Variants in C10orf143 observed in about 807,000 individuals in gnomAD.
The protein encoded by C10orf143 is uncharacterized protein C10orf143.
intron 1 of C10orf143, among the ~76,000 whole-genome samples, chr10:130,102,175 T>C (rs1409558471): frequency 6.6e-6 from 1 of 152,164 alleles, no homozygotes; most frequent in Non-Finnish European, 1.5e-5. Context: ...TATTGAGCCT[T>C]CCTTTATGGC....
At chr10:130,071,782 G>A (rs757340059) in intron 3 of C10orf143, among the ~76,000 whole-genome samples, 3 of 152,046 alleles carry the variant, frequency 2.0e-5, no homozygotes, top group Non-Finnish European at 2.9e-5. Flanking sequence ...CATGCACCAT[G>A]CCTGGCTAAT....
At chr10:130,108,052 T>C (rs752863553) in intron 1 of C10orf143, 10 of 1,483,350 alleles carry the variant, frequency 6.7e-6, no homozygotes, top group South Asian at 1.1e-5. Context: ...ATGATCTTGG[T>C]AATTTAAATA....
At chr10:130,058,595 T>TTC (rs1554945703) in intron 3 of C10orf143, among the ~76,000 whole-genome samples, 7 of 151,396 alleles carry the variant, frequency 4.6e-5, no homozygotes, top group South Asian at 2.1e-4. Flanking sequence ...TTTTTTTTTT[T>TTC]CAGAAATGAT....
chr10:130,039,695 G>A (rs1860584884), intron 3 of C10orf143, among the ~76,000 whole-genome samples: 1 of 152,210 alleles, frequency 6.6e-6, no homozygotes, highest in Non-Finnish European at 1.5e-5. Context: ...CTGCAAGTCA[G>A]AAGATGCCCT....
intron 3 of C10orf143, among the ~76,000 whole-genome samples, chr10:130,049,723 CAT>C (rs1157594035): frequency 1.3e-5 from 2 of 152,230 alleles, no homozygotes; most frequent in Non-Finnish European, 2.9e-5. Flanking sequence ...TTGCAGACAA[CAT>C]GTAGAAAGAG....
intron 1 of C10orf143, among the ~76,000 whole-genome samples, chr10:130,094,354 G>C (rs1861430947): frequency 1.3e-5 from 2 of 152,104 alleles, no homozygotes; most frequent in South Asian, 4.1e-4. Flanking sequence ...GAAAAAGAGG[G>C]ACTCCTCTCT....
At position 130,068,950 on chromosome 10, in the gene C10orf143, G is replaced by A. The variant is rs558589384; in HGVS notation, c.298-4567C>T. On this transcript the variant is annotated intron_variant, in intron 3 of 3. Coordinates refer to ENST00000637128, the MANE Select transcript of C10orf143 (RefSeq NM_001355042.2). ...CACACCTCTAAGCGGGAGTCTCAGA[G>A]GAAAAGGACACAGAGAAAGGGCAGA... Among the ~76,000 whole-genome samples, 9 of 152,222 alleles carry A rather than the reference G, an allele frequency of 5.9e-5. No homozygotes were observed. The South Asian group carries it at 1.7e-3, about 28-fold the overall frequency.
At chr10:130,086,691 T>A (rs775392511) in intron 1 of C10orf143, among the ~76,000 whole-genome samples, 2 of 152,224 alleles carry the variant, frequency 1.3e-5, no homozygotes, top group Non-Finnish European at 2.9e-5. Context: ...AAGTTTCAAT[T>A]TTCCCCCATC....
chr10:130,102,971 TTGAG>T (rs1413598145), intron 1 of C10orf143, among the ~76,000 whole-genome samples: 1 of 130,198 alleles, frequency 7.7e-6, no homozygotes, highest in African/African-American at 2.8e-5. Flanking sequence ...GGACTTATAA[TTGAG>T]TCTTTTTTTT....
At chr10:130,046,917 CCT>C (rs1300430110) in intron 3 of C10orf143, among the ~76,000 whole-genome samples, 1 of 152,218 alleles carries the variant, frequency 6.6e-6, no homozygotes, top group Admixed American at 6.5e-5. Context: ...TGAGCCCACC[CCT>C]GAGGCGTGTG....
At chr10:130,075,991 G>GT (rs1003386182) in intron 3 of C10orf143, among the ~76,000 whole-genome samples, 27 of 146,678 alleles carry the variant, frequency 1.8e-4, no homozygotes, top group African/African-American at 4.7e-4. Flanking sequence ...TTGTTTGTTT[G>GT]TTTTTTTTTT....
At chr10:130,085,029 A>G (rs1299352172) in intron 1 of C10orf143, among the ~76,000 whole-genome samples, 1 of 152,252 alleles carries the variant, frequency 6.6e-6, no homozygotes, top group Non-Finnish European at 1.5e-5. Flanking sequence ...GTCTACCCAT[A>G]TCAAAAATAA....
At chr10:130,080,800 C>T (rs1012735571) in intron 1 of C10orf143, among the ~76,000 whole-genome samples, 3 of 152,150 alleles carry the variant, frequency 2.0e-5, no homozygotes, top group African/African-American at 4.8e-5. Context: ...GACTTTTTCA[C>T]TTAATGCATC....
chr10:130,047,579 C>T (rs962695771), intron 3 of C10orf143, among the ~76,000 whole-genome samples: 20 of 152,222 alleles, frequency 1.3e-4, no homozygotes, highest in African/African-American at 4.8e-4. Context: ...GCCCCCCGCA[C>T]TCCAGGCTTC....
At chr10:130,060,619 C>A (rs573440129), downstream of C10orf143, among the ~76,000 whole-genome samples, 1 of 148,230 alleles carries the variant, frequency 6.7e-6, no homozygotes, top group Non-Finnish European at 1.5e-5. Flanking sequence ...GTCAGGAGAT[C>A]GAGACCATCC....
At chr10:130,081,579 A>C (rs1200855812) in intron 1 of C10orf143, among the ~76,000 whole-genome samples, 1 of 152,108 alleles carries the variant, frequency 6.6e-6, no homozygotes, top group Non-Finnish European at 1.5e-5. Context: ...GGAAAAAACA[A>C]TGATTTCTAT....
intron 3 of C10orf143, among the ~76,000 whole-genome samples, chr10:130,058,740 G>C (rs1860822767): frequency 6.6e-6 from 1 of 151,982 alleles, no homozygotes; most frequent in African/African-American, 2.4e-5. Flanking sequence ...GTCTGTGTAA[G>C]TCTTAATACT....
intron 3 of C10orf143, among the ~76,000 whole-genome samples, chr10:130,047,787 C>T (rs530724358): frequency 6.6e-6 from 1 of 152,212 alleles, no homozygotes; most frequent in Non-Finnish European, 1.5e-5. Context: ...AAGAGATGCC[C>T]AAACCCAGGT....
intron 3 of C10orf143, among the ~76,000 whole-genome samples, chr10:130,058,255 C>A (rs1171751): frequency 6.6e-6 from 1 of 152,104 alleles, no homozygotes; most frequent in African/African-American, 2.4e-5. Flanking sequence ...TAGGAGTGAG[C>A]GTCTGGAGAA....
Sources: allele counts gnomAD v4.1 joint callset (sites outside exome capture counted in the v4.1 genomes callset), GRCh38; gene constraint gnomAD v4.1.1; transcripts MANE v1.5; gene names NCBI Gene and HGNC (gene_info 2026-07-23, HGNC 2026-07-21).